ATP13A4: variants seen among roughly 807,000 people sequenced by gnomAD.
ATP13A4 encodes the protein ATPase 13A4, also known as probable cation-transporting ATPase 13A4.
Under a neutral mutation model 142.5 loss-of-function variants are expected in ATP13A4, and 114 were observed. The ratio of observed to expected loss-of-function variants is 0.80; its 90% confidence interval spans 0.69 to 0.93. ATP13A4 has a LOEUF of 0.93. Among genes scored for constraint, ATP13A4 ranks in the 40% least tolerant of loss-of-function variants. The pLI is 0.00. For synonymous variants in ATP13A4, 488 were observed against 514.8 expected (o/e 0.95, Z 0.70); for missense variants, 1,392 against 1,454.0 (o/e 0.96, Z 0.69).
At chr3:193,567,011 T>C (rs2108739308) in intron 2 of ATP13A4, among the ~76,000 whole-genome samples, 1 of 152,270 alleles carries the variant, frequency 6.6e-6, no homozygotes, top group South Asian at 2.1e-4. Context: ...ATTACCACTT[T>C]ATCCCACTTT....
chr3:193,581,144 T>C (rs1724536179), intron 2 of ATP13A4, among the ~76,000 whole-genome samples: 1 of 152,198 alleles, frequency 6.6e-6, no homozygotes, highest in African/African-American at 2.4e-5. Context: ...AGATGTACAT[T>C]AGGAAAATTT....
intron 14 of ATP13A4, among the ~76,000 whole-genome samples, chr3:193,458,393 G>C (rs1044311858): frequency 1.3e-5 from 2 of 152,232 alleles, no homozygotes; most frequent in East Asian, 3.9e-4. Context: ...GTCTTGTTTT[G>C]TGTTATGTGA....
chr3:193,418,663 A>G (rs560357678), intron 25 of ATP13A4, among the ~76,000 whole-genome samples: 1 of 150,004 alleles, frequency 6.7e-6, no homozygotes, highest in African/African-American at 2.4e-5. Flanking sequence ...AACACCCTGG[A>G]CACCTACAGT....
At chr3:193,460,003 G>C (rs941987185) in intron 13 of ATP13A4, among the ~76,000 whole-genome samples, 1 of 152,160 alleles carries the variant, frequency 6.6e-6, no homozygotes, top group East Asian at 1.9e-4. Flanking sequence ...CAGCACAGGC[G>C]TTGGTTCTCA....
intron 3 of ATP13A4, among the ~76,000 whole-genome samples, chr3:193,494,108 T>C (rs1471683999): frequency 6.6e-6 from 1 of 152,000 alleles, no homozygotes; most frequent in East Asian, 1.9e-4. Context: ...GCACCCAACA[T>C]TGGAGCACCT....
upstream of ATP13A4, among the ~76,000 whole-genome samples, chr3:193,559,400 T>C (rs999842126): frequency 6.6e-6 from 1 of 152,192 alleles, no homozygotes; most frequent in African/African-American, 2.4e-5. Context: ...AAATCTGCTA[T>C]TTGTAAAGTA....
intron 1 of ATP13A4, 119 bp from the exon 2 acceptor site, chr3:193,514,990 G>A: frequency 9.2e-7 from 1 of 1,087,784 alleles, no homozygotes; most frequent in East Asian, 2.6e-5. Flanking sequence ...AGGGTGAGGA[G>A]AGGGCAGGGT....
At chr3:193,451,405 G>A (rs1181130316) in intron 17 of ATP13A4, among the ~76,000 whole-genome samples, 3 of 152,180 alleles carry the variant, frequency 2.0e-5, no homozygotes, top group Non-Finnish European at 4.4e-5. Context: ...TCAGGAGGCT[G>A]GAGTTCTAAT....
intron 1 of ATP13A4, among the ~76,000 whole-genome samples, chr3:193,547,323 C>T (rs935350229): frequency 6.6e-6 from 1 of 152,180 alleles, no homozygotes; most frequent in African/African-American, 2.4e-5. Flanking sequence ...CTCTCTGCTT[C>T]AAAACTTCCA....
Position 193,435,742 on chromosome 3 carries a change from T to A in ATP13A4, c.2675A>T (p.Glu892Val). ...GGAGGTAACGAGAGCTGCACGTCCT[T>A]CCCTGTGTAAGAAAAGAAATGATAA... ...NIECVPHLIK[E>V]GRAALVTSFC... Residue 892 changes from glutamate to valine, a missense_variant and splice_region_variant, in exon 24 of 30, where the codon GAA becomes GTA. Glu to Val is a moderately radical substitution (Grantham distance 121). Transcript: ENST00000342695. The A allele has an allele frequency of 3.7e-6, 6 of 1,612,120 alleles. No individual in the cohort carries two copies. In the South Asian group the frequency reaches 6.6e-5, roughly 18 times the overall value.
At chr3:193,503,076 G>T (rs2108676944) in intron 2 of ATP13A4, among the ~76,000 whole-genome samples, 1 of 152,184 alleles carries the variant, frequency 6.6e-6, no homozygotes, top group African/African-American at 2.4e-5. Flanking sequence ...CCAAAAAAAT[G>T]TTAAGTGTCC....
intron 1 of ATP13A4, among the ~76,000 whole-genome samples, chr3:193,539,649 C>T (rs551215064): frequency 6.6e-5 from 10 of 152,276 alleles, no homozygotes; most frequent in African/African-American, 2.4e-4. Flanking sequence ...CACCCTGAGC[C>T]TTTGGAGATG....
chr3:193,439,122 T>G, intron 21 of ATP13A4, 57 bp from the exon 22 acceptor site: 2 of 1,504,616 alleles, frequency 1.3e-6, no homozygotes, highest in Non-Finnish European at 1.9e-6. Flanking sequence ...CTAATTTCTC[T>G]AATTAAAAAA....
chr3:193,428,364 A>C (rs1396150847), intron 25 of ATP13A4, among the ~76,000 whole-genome samples: 1 of 152,132 alleles, frequency 6.6e-6, no homozygotes, highest in African/African-American at 2.4e-5. Context: ...TGGTTCAACC[A>C]TTGTGGAAGA....
At chr3:193,577,756 C>T (rs1724428157) in intron 2 of ATP13A4, among the ~76,000 whole-genome samples, 1 of 152,202 alleles carries the variant, frequency 6.6e-6, no homozygotes, top group Admixed American at 6.5e-5. Flanking sequence ...TGAAGTAGGA[C>T]TCATTTTCAA....
intron 1 of ATP13A4, among the ~76,000 whole-genome samples, chr3:193,529,024 C>G (rs1213360203): frequency 6.6e-6 from 1 of 152,152 alleles, no homozygotes; most frequent in African/African-American, 2.4e-5. Context: ...GTAATCCCAG[C>G]ACTTTGGGAG....
intron 1 of ATP13A4, among the ~76,000 whole-genome samples, chr3:193,536,147 A>G (rs1196795006): frequency 6.6e-6 from 1 of 152,084 alleles, no homozygotes; most frequent in Non-Finnish European, 1.5e-5. Flanking sequence ...TAAAGCTAGC[A>G]TTACCCTGAT....
chr3:193,472,188 C>T (rs1718667609), intron 8 of ATP13A4, among the ~76,000 whole-genome samples: 1 of 152,234 alleles, frequency 6.6e-6, no homozygotes, highest in Non-Finnish European at 1.5e-5. Flanking sequence ...CAGTCAACTG[C>T]AGTCAGAAAA....
intron 1 of ATP13A4, among the ~76,000 whole-genome samples, chr3:193,518,584 T>C (rs1721554020): frequency 6.6e-6 from 1 of 152,196 alleles, no homozygotes; most frequent in Non-Finnish European, 1.5e-5. Flanking sequence ...TTTGTGGTGA[T>C]GGGTTCAGCA....
Sources: allele counts gnomAD v4.1 joint callset (sites outside exome capture counted in the v4.1 genomes callset), GRCh38; gene constraint gnomAD v4.1.1; transcripts MANE v1.5; gene names NCBI Gene and HGNC (gene_info 2026-07-23, HGNC 2026-07-21).